Variants in NAV3 observed in about 807,000 individuals in gnomAD.
NAV3 encodes neuron navigator 3, also known as pore membrane and/or filament interacting like protein 1.
In NAV3, 87 loss-of-function variants were observed where a neutral mutation model predicts 244.7. That is an observed-to-expected ratio of 0.36 (90% CI 0.30 to 0.42). The LOEUF is 0.42. Ranked by LOEUF, NAV3 falls within the 20% of genes least tolerant of loss-of-function variation. The pLI, the probability that NAV3 is intolerant of heterozygous loss-of-function variation, is 1.00. For synonymous variants in NAV3, 1,126 were observed against 1,042.2 expected (o/e 1.08, Z -1.55); for missense variants, 2,663 against 2,893.3 (o/e 0.92, Z 1.83).
chr12:77,955,362 C>T (rs1022787577), intron 3 of NAV3, among the ~76,000 whole-genome samples: 2 of 152,132 alleles, frequency 1.3e-5, no homozygotes, highest in African/African-American at 2.4e-5. Flanking sequence ...CAGGGACTAA[C>T]TCAGGCTTCC....
In NAV3 at chr12:78,114,149, G is replaced by T. The variant is rs144276772; in HGVS notation, c.2637-2623G>T. Among the ~76,000 whole-genome samples, 578 of 152,304 alleles carry T rather than the reference G, an allele frequency of 3.8e-3. 1 individual carries two copies. The highest frequency in any genetic ancestry group is 0.013 in the African/African-American group (536 of 41,568). Reference sequence around the variant, plus strand: ...CTCCATCTGAGACCACCTTAGCCTGGATTTCATTGTCCATATCATTATCAG... The same window carrying T: ...CTCCATCTGAGACCACCTTAGCCTGTATTTCATTGTCCATATCATTATCAG... On this transcript the variant is annotated intron_variant, in intron 12 of 39. Coordinates refer to ENST00000397909, the MANE Select transcript of NAV3 (RefSeq NM_001024383.2).
chr12:77,943,846 A>C (rs1412525590), intron 3 of NAV3, among the ~76,000 whole-genome samples: 1 of 152,166 alleles, frequency 6.6e-6, no homozygotes, highest in East Asian at 1.9e-4. Context: ...TTTAATCACG[A>C]ATTGTTTTTA....
chr12:78,163,383 A>G (rs1450586576), intron 23 of NAV3, among the ~76,000 whole-genome samples: 1 of 152,098 alleles, frequency 6.6e-6, no homozygotes, highest in Non-Finnish European at 1.5e-5. Context: ...AAGAAAAGAC[A>G]TGTATGAATA....
chr12:77,599,504 C>T (rs1201231463), intron 2 of NAV3, among the ~76,000 whole-genome samples: 12 of 151,708 alleles, frequency 7.9e-5, no homozygotes, highest in Admixed American at 7.2e-4. Flanking sequence ...AATGCTGATT[C>T]TGTTTGTTAA....
intron 2 of NAV3, among the ~76,000 whole-genome samples, chr12:77,658,586 T>C (rs1206232415): frequency 1.3e-5 from 2 of 152,038 alleles, no homozygotes; most frequent in African/African-American, 4.8e-5. Flanking sequence ...AATGACTTTC[T>C]TCACAGAATT....
chr12:78,076,185 G>A (rs1171113090), intron 12 of NAV3, among the ~76,000 whole-genome samples: 2 of 152,084 alleles, frequency 1.3e-5, no homozygotes, highest in African/African-American at 2.4e-5. Context: ...ATTTGTTGAT[G>A]TCCACCACCA....
At position 78,037,238 on chromosome 12, in the gene NAV3, C is replaced by T. The variant is rs766669700; in HGVS notation, c.2024-12755C>T. 5.7e-6 allele frequency: 4 copies of T among 702,912 alleles called. No homozygotes were observed. In the South Asian group the frequency reaches 5.9e-5, roughly 10 times the overall value. 43.5% of individuals were successfully genotyped at this position (702,912 alleles called of 1,614,324 possible). A position where few individuals can be genotyped will look rare whatever the true frequency, so the allele number is the denominator to read the frequency against. ...AAGATAGTAGGTCTGAAGATGAAAACGTGTCCTCCAAGCCAAGCAGCATCA... is the reference window on the plus strand; with the variant it reads ...AAGATAGTAGGTCTGAAGATGAAAATGTGTCCTCCAAGCCAAGCAGCATCA... On this transcript the variant is annotated intron_variant, in intron 9 of 39. Transcript: ENST00000397909.
intron 2 of NAV3, among the ~76,000 whole-genome samples, chr12:77,600,451 A>G (rs939455714): frequency 6.6e-6 from 1 of 151,826 alleles, no homozygotes; most frequent in Non-Finnish European, 1.5e-5. Flanking sequence ...AGTCTTCCCC[A>G]AGCTTTAGTT....
At chr12:77,813,086 G>T (rs1043863879) in intron 2 of NAV3, among the ~76,000 whole-genome samples, 13 of 152,132 alleles carry the variant, frequency 8.5e-5, no homozygotes, top group African/African-American at 2.9e-4. Context: ...GCCTCCCAAA[G>T]TGCTGAGATT....
At chr12:77,883,149 C>T (rs1384714168) in intron 1 of NAV3, among the ~76,000 whole-genome samples, 4 of 152,082 alleles carry the variant, frequency 2.6e-5, no homozygotes, top group Non-Finnish European at 4.4e-5. Flanking sequence ...AAGTTCATCC[C>T]CATGCTGTTC....
intron 8 of NAV3, among the ~76,000 whole-genome samples, chr12:78,012,067 T>C (rs1406914992): frequency 2.0e-5 from 3 of 152,182 alleles, no homozygotes; most frequent in African/African-American, 7.2e-5. Context: ...CAATTTGAGA[T>C]GAGATTTGTG....
intron 24 of NAV3, among the ~76,000 whole-genome samples, chr12:78,169,923 T>C (rs439526): frequency 0.049 from 7,466 of 151,904 alleles, 199 homozygotes; most frequent in Non-Finnish European, 0.071. Context: ...TCCTTTGAAA[T>C]ATTTTTTCAA....
intron 2 of NAV3, among the ~76,000 whole-genome samples, chr12:77,784,220 A>C (rs1369778861): frequency 6.6e-6 from 1 of 152,132 alleles, no homozygotes; most frequent in East Asian, 1.9e-4. Flanking sequence ...CCCAACACAG[A>C]CACTCTCTTT....
intron 12 of NAV3, among the ~76,000 whole-genome samples, chr12:78,063,296 T>C (rs1403407907): frequency 2.0e-5 from 3 of 152,222 alleles, no homozygotes; most frequent in Non-Finnish European, 4.4e-5. Flanking sequence ...CTTGCAGATA[T>C]GTTGGAGACT....
intron 1 of NAV3, among the ~76,000 whole-genome samples, chr12:77,869,894 G>T (rs1356239106): frequency 6.6e-6 from 1 of 152,134 alleles, no homozygotes; most frequent in Non-Finnish European, 1.5e-5. Flanking sequence ...TGTCATGAAT[G>T]AATGAATTAA....
intron 1 of NAV3, among the ~76,000 whole-genome samples, chr12:77,885,149 A>G (rs1180989904): frequency 6.6e-6 from 1 of 152,082 alleles, no homozygotes; most frequent in African/African-American, 2.4e-5. Context: ...TTGAAAGCGA[A>G]ATTATTCCTA....
At chr12:78,079,066 C>CA (rs1953213796) in intron 12 of NAV3, among the ~76,000 whole-genome samples, 2 of 152,086 alleles carry the variant, frequency 1.3e-5, no homozygotes, top group African/African-American at 4.8e-5. Context: ...GAATTGACTC[C>CA]AAAATAAAAC....
At chr12:77,853,149 T>C (rs940803433) in intron 1 of NAV3, among the ~76,000 whole-genome samples, 4 of 152,236 alleles carry the variant, frequency 2.6e-5, no homozygotes, top group Non-Finnish European at 5.9e-5. Flanking sequence ...GGTATCACCA[T>C]TGTTATGAGG....
chr12:77,873,976 CTG>C (rs1250080097), intron 1 of NAV3, among the ~76,000 whole-genome samples: 2 of 151,324 alleles, frequency 1.3e-5, no homozygotes, highest in African/African-American at 2.4e-5. Context: ...GTTCTAGCTC[CTG>C]TCAGATCAGC....
Sources: gnomAD v4.1 joint callset for allele counts (sites outside exome capture counted in the v4.1 genomes callset) on GRCh38, gnomAD v4.1.1 for gene constraint, MANE v1.5 for transcripts, NCBI Gene and HGNC (gene_info 2026-07-23, HGNC 2026-07-21) for gene names.